Variants in PTTG1IP2 observed in about 807,000 individuals in gnomAD.
PTTG1IP2 encodes the protein PTTG1IP family member 2.
chr7:90,484,832 T>G (rs929843573), intron 2 of PTTG1IP2, among the ~76,000 whole-genome samples: 9 of 152,246 alleles, frequency 5.9e-5, no homozygotes, highest in African/African-American at 2.2e-4. Context: ...CTCTTTTCTT[T>G]CATCTCTCAG....
At chr7:90,497,021 T>C (rs1370162415) in intron 6 of PTTG1IP2, among the ~76,000 whole-genome samples, 5 of 152,264 alleles carry the variant, frequency 3.3e-5, no homozygotes. Context: ...TATTGATTTC[T>C]AGTTTCATAT....
intron 2 of PTTG1IP2, among the ~76,000 whole-genome samples, chr7:90,483,677 C>G (rs1336877977): frequency 1.3e-5 from 2 of 152,196 alleles, no homozygotes; most frequent in African/African-American, 4.8e-5. Context: ...GACTCAATAA[C>G]CAAATGCAAA....
chr7:90,508,609 G>T (rs17864047), intron 6 of PTTG1IP2, among the ~76,000 whole-genome samples: 1 of 152,072 alleles, frequency 6.6e-6, no homozygotes, highest in African/African-American at 2.4e-5. Context: ...AGGTGAGAAC[G>T]TAACAGCTGA....
chr7:90,487,089 C>T (rs918962189), intron 2 of PTTG1IP2, among the ~76,000 whole-genome samples: 7 of 152,122 alleles, frequency 4.6e-5, no homozygotes, highest in Admixed American at 1.3e-4. Flanking sequence ...TGGTCCCTAT[C>T]GTCGTCCAAG....
At chr7:90,509,996 G>A (rs1562991216) in intron 6 of PTTG1IP2, among the ~76,000 whole-genome samples, 1 of 152,184 alleles carries the variant, frequency 6.6e-6, no homozygotes, top group Non-Finnish European at 1.5e-5. Flanking sequence ...GCCTTGAATT[G>A]CAGGATGCAT....
rs556509321 is a variant in PTTG1IP2 at position 90,478,999 on chromosome 7, G to C, written c.146-229G>C. ...TTTAGAACTTGGCTCATCAAAGTTG[G>C]ATGATGCTATTTCATGTTTTTCCAA... On this transcript the variant is annotated intron_variant, in intron 1 of 6. Transcript: ENST00000509356. Among the ~76,000 whole-genome samples, 70 of 152,214 alleles carry C rather than the reference G, an allele frequency of 4.6e-4. No homozygotes were observed. The South Asian group carries it at 0.013, about 28-fold the overall frequency.
In PTTG1IP2 at chr7:90,494,292, T is replaced by A. The variant is rs1785962626; in HGVS notation, c.452-75T>A. The A allele has an allele frequency of 5.3e-5, 8 of 152,206 alleles. No individual in the cohort carries two copies. In the South Asian group the frequency reaches 1.7e-3, roughly 31 times the overall value. 9.4% of individuals were successfully genotyped at this position (152,206 alleles called of 1,614,324 possible). Reference sequence around the variant, plus strand: ...CATGAATGTTTCATGTTTAACATTTTAAAAATTACGTAAGTTTTTATTGAC... The same window carrying A: ...CATGAATGTTTCATGTTTAACATTTAAAAAATTACGTAAGTTTTTATTGAC... On this transcript the variant is annotated intron_variant, in intron 5 of 6. Transcript: ENST00000509356.
intron 6 of PTTG1IP2, among the ~76,000 whole-genome samples, chr7:90,506,534 G>C (rs930197460): frequency 6.6e-6 from 1 of 152,142 alleles, no homozygotes; most frequent in Non-Finnish European, 1.5e-5. Flanking sequence ...AGGCCAACAA[G>C]GGAGGACTAC....
At chr7:90,508,918 C>T (rs1305208146) in intron 6 of PTTG1IP2, among the ~76,000 whole-genome samples, 1 of 152,124 alleles carries the variant, frequency 6.6e-6, no homozygotes, top group Admixed American at 6.5e-5. Flanking sequence ...CATGTGTGCG[C>T]AGTGGCCCTG....
At chr7:90,475,801 A>C (rs982871707) in intron 1 of PTTG1IP2, among the ~76,000 whole-genome samples, 1 of 152,130 alleles carries the variant, frequency 6.6e-6, no homozygotes, top group African/African-American at 2.4e-5. Context: ...TCTACTAAAA[A>C]TATAAAAATT....
At chr7:90,499,078 C>G (rs958338512) in intron 6 of PTTG1IP2, among the ~76,000 whole-genome samples, 3 of 152,158 alleles carry the variant, frequency 2.0e-5, no homozygotes, top group Non-Finnish European at 4.4e-5. Flanking sequence ...TCTCGAACCC[C>G]TGGGCTCAAG....
intron 6 of PTTG1IP2, among the ~76,000 whole-genome samples, chr7:90,505,906 C>T (rs993768356): frequency 6.9e-6 from 1 of 145,232 alleles, no homozygotes; most frequent in South Asian, 2.2e-4. Context: ...ATGGCTTGAA[C>T]CCGGGAGGCG....
intron 6 of PTTG1IP2, among the ~76,000 whole-genome samples, chr7:90,501,320 G>A (rs137870136): frequency 6.6e-6 from 1 of 152,168 alleles, no homozygotes; most frequent in East Asian, 1.9e-4. Context: ...ACGCTATACT[G>A]TAGTCTATTA....
At chr7:90,487,819 C>T (rs1021976725) in intron 3 of PTTG1IP2, among the ~76,000 whole-genome samples, 3 of 152,114 alleles carry the variant, frequency 2.0e-5, no homozygotes, top group South Asian at 2.1e-4. Context: ...CCATAACCCA[C>T]TTAAAGAATG....
intron 2 of PTTG1IP2, among the ~76,000 whole-genome samples, chr7:90,481,274 T>C (rs1160755835): frequency 1.3e-5 from 2 of 152,144 alleles, no homozygotes; most frequent in African/African-American, 4.8e-5. Context: ...AGGCATGCAA[T>C]GCATACACCC....
intron 6 of PTTG1IP2, among the ~76,000 whole-genome samples, chr7:90,497,472 G>A (rs1344394391): frequency 1.3e-5 from 2 of 150,452 alleles, no homozygotes; most frequent in Admixed American, 6.6e-5. Flanking sequence ...GCTGAGGAGG[G>A]AGAATGGCGT....
chr7:90,481,182 C>T (rs1486168409), intron 2 of PTTG1IP2, among the ~76,000 whole-genome samples: 1 of 151,936 alleles, frequency 6.6e-6, no homozygotes, highest in African/African-American at 2.4e-5. Context: ...GCTTTGATCT[C>T]TTTTTTTAAA....
chr7:90,471,151 A>G (rs544622333), intron 1 of PTTG1IP2, among the ~76,000 whole-genome samples: 12 of 152,332 alleles, frequency 7.9e-5, no homozygotes, highest in African/African-American at 2.9e-4. Flanking sequence ...CTTGCATCTT[A>G]GTCTCAGGCC....
At chr7:90,485,027 T>C (rs1797853430) in intron 2 of PTTG1IP2, among the ~76,000 whole-genome samples, 1 of 152,142 alleles carries the variant, frequency 6.6e-6, no homozygotes. Flanking sequence ...CATTTGTTAC[T>C]AGGCTACTGC....
Sources: allele counts gnomAD v4.1 joint callset (sites outside exome capture counted in the v4.1 genomes callset), GRCh38; gene constraint gnomAD v4.1.1; transcripts MANE v1.5; gene names NCBI Gene and HGNC (gene_info 2026-07-23, HGNC 2026-07-21).